SORBS2: variants seen among roughly 807,000 people sequenced by gnomAD.
SORBS2 encodes sorbin and SH3 domain containing 2.
Under a neutral mutation model 97.7 loss-of-function variants are expected in SORBS2, and 46 were observed. The observed-to-expected ratio is 0.47, with a 90% CI of 0.37 to 0.60. The LOEUF is 0.60. SORBS2 is among the 20% of genes least tolerant of loss of function. The pLI, the probability that SORBS2 is intolerant of heterozygous loss-of-function variation, is 0.00. For missense variants in SORBS2, 1,316 were observed against 1,282.3 expected, an observed-to-expected ratio of 1.03 and a Z score of -0.40; for synonymous variants, 476 against 473.4, an observed-to-expected ratio of 1.01 and a Z score of -0.07.
chr4:185,858,596 A>G (rs1472991885), intron 1 of SORBS2, among the ~76,000 whole-genome samples: 7 of 152,222 alleles, frequency 4.6e-5, no homozygotes, highest in Non-Finnish European at 1.0e-4. Flanking sequence ...AGGTTGCCAT[A>G]AGCACTGACA....
At chr4:185,822,004 A>C (rs1343512988) in intron 1 of SORBS2, among the ~76,000 whole-genome samples, 1 of 152,234 alleles carries the variant, frequency 6.6e-6, no homozygotes, top group African/African-American at 2.4e-5. Flanking sequence ...AAGGAAAAAA[A>C]CTGCTGCCAA....
intron 11 of SORBS2, among the ~76,000 whole-genome samples, chr4:185,612,869 A>G (rs1271784802): frequency 6.6e-6 from 1 of 152,138 alleles, no homozygotes; most frequent in African/African-American, 2.4e-5. Flanking sequence ...GCCCTAGAAT[A>G]TCAATAGCTG....
chr4:185,638,777 C>T (rs2097073108), intron 4 of SORBS2, 100 bp downstream of exon 14: 3 of 1,169,168 alleles, frequency 2.6e-6, no homozygotes, highest in Non-Finnish European at 3.4e-6. Flanking sequence ...TGGGTGCGAG[C>T]GGGACCCGGG....
chr4:185,760,245 A>G (rs949061818), intron 2 of SORBS2, among the ~76,000 whole-genome samples: 12 of 152,214 alleles, frequency 7.9e-5, no homozygotes, highest in Non-Finnish European at 1.2e-4. Context: ...TGAGGAAAGA[A>G]TACTCTGAAA....
chr4:185,942,334 A>G (rs2099272428), intron 1 of SORBS2, among the ~76,000 whole-genome samples: 1 of 149,290 alleles, frequency 6.7e-6, no homozygotes, highest in Non-Finnish European at 1.5e-5. Flanking sequence ...TTAGATGACT[A>G]CATTTCCCTA....
rs28428970 is a variant in SORBS2, at chr4:185,856,223, G to A, written c.-337-80857C>T. Among the ~76,000 whole-genome samples the A allele has an allele frequency of 2.9e-3, 444 of 152,242 alleles. 4 individuals carry two copies. The highest frequency in any genetic ancestry group is 0.01 in the African/African-American group (420 of 41,544). ...GTGTCATGCAGTAGAAAGATCATGG[G>A]TTTCATGATCAGGCCAGATTCTAAT... On this transcript the variant is annotated intron_variant, in intron 1 of 20. Coordinates refer to the SORBS2 transcript ENST00000284776.
chr4:185,860,210 TA>T lies in SORBS2; in HGVS notation c.-337-84845del, dbSNP rs141141513. Among the ~76,000 whole-genome samples, 54 of 152,326 alleles carry T rather than the reference TA, an allele frequency of 3.5e-4. 1 individual carries two copies. The East Asian group carries it at 9.3e-3, about 26-fold the overall frequency. ...TATTCGGGAAGCAACTGTTGAACCCTATAAGTCTCAAAGACTGCACCAGCTA... is the reference window on the plus strand; with the variant it reads ...TATTCGGGAAGCAACTGTTGAACCCTTAAGTCTCAAAGACTGCACCAGCTA... On this transcript the variant is annotated intron_variant, in intron 1 of 20. Transcript: ENST00000284776.
chr4:185,708,479 G>A (rs2098379448), intron 2 of SORBS2, among the ~76,000 whole-genome samples: 1 of 152,176 alleles, frequency 6.6e-6, no homozygotes, highest in African/African-American at 2.4e-5. Context: ...GAGGAATTAT[G>A]AGCCATCAGA....
chr4:185,660,795 C>A (rs148171354), upstream of SORBS2, among the ~76,000 whole-genome samples: 1 of 152,164 alleles, frequency 6.6e-6, no homozygotes, highest in Non-Finnish European at 1.5e-5. Context: ...AGGACCAGGC[C>A]TCTCCTTTTC....
intron 3 of SORBS2, among the ~76,000 whole-genome samples, chr4:185,648,138 T>C (rs1184573808): frequency 6.6e-6 from 1 of 152,004 alleles, no homozygotes; most frequent in Non-Finnish European, 1.5e-5. Context: ...TGTTTTTTTT[T>C]TTTAGTGAAG....
At chr4:185,652,630 G>A (rs1194716059) in intron 2 of SORBS2, 32 bp downstream of exon 10, 2 of 1,572,926 alleles carry the variant, frequency 1.3e-6, no homozygotes, top group South Asian at 2.2e-5. Context: ...AACCCACAAG[G>A]ACCTCATCAG....
At chr4:185,672,579 C>T (rs546842643) in intron 4 of SORBS2, among the ~76,000 whole-genome samples, 5 of 152,226 alleles carry the variant, frequency 3.3e-5, no homozygotes, top group East Asian at 1.9e-4. Flanking sequence ...AAGCACATGC[C>T]GTTTAGAAAA....
chr4:185,929,767 C>G (rs563457995), intron 1 of SORBS2, among the ~76,000 whole-genome samples: 6 of 152,258 alleles, frequency 3.9e-5, no homozygotes, highest in South Asian at 4.1e-4. Flanking sequence ...ATCTCTTGAC[C>G]TCGTGATCCA....
At chr4:185,613,876 G>A (rs2096585291) in intron 11 of SORBS2, among the ~76,000 whole-genome samples, 1 of 152,040 alleles carries the variant, frequency 6.6e-6, no homozygotes, top group East Asian at 1.9e-4. Flanking sequence ...GGCTGATGAT[G>A]CAGAATTAAG....
At chr4:185,864,854 G>T (rs1463384691) in intron 1 of SORBS2, among the ~76,000 whole-genome samples, 1 of 151,662 alleles carries the variant, frequency 6.6e-6, no homozygotes, top group Non-Finnish European at 1.5e-5. Context: ...AGAATTTGCA[G>T]TGAGCTGAGA....
At chr4:185,948,252 TTTTA>T (rs2099275489) in intron 1 of SORBS2, among the ~76,000 whole-genome samples, 1 of 152,166 alleles carries the variant, frequency 6.6e-6, no homozygotes, top group Non-Finnish European at 1.5e-5. Flanking sequence ...TTTACCTTGT[TTTTA>T]TTTATTTGTT....
At chr4:185,756,565 T>A (rs2098831840) in intron 2 of SORBS2, among the ~76,000 whole-genome samples, 2 of 152,182 alleles carry the variant, frequency 1.3e-5, no homozygotes, top group Admixed American at 6.5e-5. Context: ...AACTATATGG[T>A]CAGTCTATAA....
chr4:185,662,580 G>A (rs1313455229), intron 4 of SORBS2, among the ~76,000 whole-genome samples: 1 of 152,192 alleles, frequency 6.6e-6, no homozygotes, highest in Non-Finnish European at 1.5e-5. Flanking sequence ...ACTTTGCTCT[G>A]ACAGTCGTAA....
intron 1 of SORBS2, among the ~76,000 whole-genome samples, chr4:185,827,744 T>C (rs796644300): frequency 1.2e-4 from 5 of 41,914 alleles, no homozygotes; most frequent in East Asian, 1.4e-3. Flanking sequence ...ATCATCACCA[T>C]CATCACCATC....
Sources: gnomAD v4.1 joint callset for allele counts (sites outside exome capture counted in the v4.1 genomes callset) on GRCh38, gnomAD v4.1.1 for gene constraint, MANE v1.5 for transcripts, NCBI Gene and HGNC (gene_info 2026-07-23, HGNC 2026-07-21) for gene names.